The following BRSK1 variants were observed in gnomAD, a reference collection of about 807,000 sequenced individuals.
BRSK1 encodes BR serine/threonine kinase 1, also known as serine/threonine-protein kinase BRSK1.
Under a neutral mutation model 86.2 loss-of-function variants are expected in BRSK1, and 17 were observed. That is an observed-to-expected ratio of 0.20 (90% CI 0.14 to 0.30). The LOEUF (loss-of-function observed/expected upper bound fraction) is 0.30, where lower values mean the gene tolerates loss of function less well. Among genes scored for constraint, BRSK1 ranks in the 10% least tolerant of loss-of-function variants. The probability of loss-of-function intolerance (pLI) is 1.00; values close to 1 mark genes in which losing one functional copy is unlikely to be tolerated. For synonymous variants in BRSK1, 464 were observed against 440.1 expected (o/e 1.05, Z -0.68); for missense variants, 719 against 1,071.9 (o/e 0.67, Z 4.60).
At chr19:55,308,606 A>C (rs373108643) in intron 17 of BRSK1, 33 bp from the exon 18 acceptor site, 13 of 1,566,232 alleles carry the variant, frequency 8.3e-6, no homozygotes, top group Non-Finnish European at 1.1e-5. Flanking sequence ...CTGGACCCCC[A>C]GTCAGTGTTT....
chr19:55,292,474 G>A (rs965579534), intron 4 of BRSK1, among the ~76,000 whole-genome samples: 4 of 152,184 alleles, frequency 2.6e-5, no homozygotes, highest in Non-Finnish European at 5.9e-5. Context: ...GAAGCTGGGC[G>A]ATGGGTAAGT....
intron 7 of BRSK1, among the ~76,000 whole-genome samples, chr19:55,299,071 G>A (rs546373272): frequency 2.6e-4 from 40 of 152,210 alleles, no homozygotes; most frequent in Middle Eastern, 6.8e-3. Context: ...CAGGAGAATC[G>A]CTTGAACCCG....
At chr19:55,311,069 C>T (rs1213142152) in intron 18 of BRSK1, among the ~76,000 whole-genome samples, 1 of 152,138 alleles carries the variant, frequency 6.6e-6, no homozygotes, top group Non-Finnish European at 1.5e-5. Flanking sequence ...TCAAATGATT[C>T]TCCCGCCTCA....
chr19:55,285,459 G>A (rs1223416293), intron 1 of BRSK1, among the ~76,000 whole-genome samples: 3 of 152,096 alleles, frequency 2.0e-5, no homozygotes, highest in Admixed American at 6.5e-5. Context: ...GCTGCAGACC[G>A]GGGTGCAGTG....
chr19:55,292,055 C>T (rs1009825513), intron 4 of BRSK1, among the ~76,000 whole-genome samples: 1 of 152,172 alleles, frequency 6.6e-6, no homozygotes, highest in Non-Finnish European at 1.5e-5. Flanking sequence ...CCACCGCACC[C>T]GGCCCTGTTT....
intron 18 of BRSK1, among the ~76,000 whole-genome samples, chr19:55,309,374 C>T (rs1454106470): frequency 6.6e-6 from 1 of 152,212 alleles, no homozygotes; most frequent in African/African-American, 2.4e-5. Context: ...ATCAGGAGAG[C>T]AGAGGGTTTG....
chr19:55,293,057 C>T (rs1165893870), intron 4 of BRSK1, among the ~76,000 whole-genome samples: 1 of 151,568 alleles, frequency 6.6e-6, no homozygotes, highest in Non-Finnish European at 1.5e-5. Context: ...ATGCCCATCT[C>T]TAAAAATAAA....
In BRSK1 at chr19:55,288,938, T is replaced by C. The variant is rs191629252; in HGVS notation, c.318-542T>C. ...CTGATGGGAGTTGTCGTCTATTGCC[T>C]CACAGAAGCTGGCTTGGACTGGTGC... On this transcript the variant is annotated intron_variant, in intron 3 of 18. Coordinates refer to ENST00000309383, the MANE Select transcript of BRSK1 (RefSeq NM_032430.2). 3.9e-5 allele frequency among the ~76,000 whole-genome samples: 6 copies of C among 152,324 alleles called. No homozygotes were observed. In the East Asian group the frequency reaches 1.2e-3, roughly 29 times the overall value.
Position 55,287,441 on chromosome 19 carries a change from C to G in BRSK1, c.317+142C>G, listed in dbSNP as rs1242588768. ...GACCGCTGAAGGCCCAGTTCCTTGC[C>G]TGTTGCACAGGGAAGCCCCTGACAC... On this transcript the variant is annotated intron_variant, in intron 3 of 18. Transcript: ENST00000309383. This position sits in a 1 kb window ranked among gnomAD's most constrained non-coding sequence, Gnocchi z 5.3. 4 of 750,906 alleles carry G rather than the reference C, an allele frequency of 5.3e-6. No homozygotes were observed. The highest frequency in any genetic ancestry group is 6.7e-6 in the Non-Finnish European group (3 of 450,646). The allele number at this position is 750,906 out of a possible 1,614,324, so 46.5% of individuals were successfully genotyped here.
intron 3 of BRSK1, among the ~76,000 whole-genome samples, chr19:55,288,617 C>T (rs1456184918): frequency 6.6e-6 from 1 of 151,800 alleles, no homozygotes; most frequent in Non-Finnish European, 1.5e-5. Flanking sequence ...CAGAGTTTTG[C>T]TCTTGTTGCC....
At position 55,302,438 on chromosome 19, in the gene BRSK1, G is replaced by A; in HGVS notation, c.858-259G>A. The A allele has an allele frequency of 1.6e-6, 1 of 615,514 alleles. No homozygotes were observed. The highest frequency in any genetic ancestry group is 2.8e-6 in the Non-Finnish European group (1 of 352,232). 38.1% of individuals were successfully genotyped at this position (615,514 alleles called of 1,614,324 possible). On this transcript the variant is annotated intron_variant, in intron 9 of 18. Coordinates refer to ENST00000309383, the MANE Select transcript of BRSK1 (RefSeq NM_032430.2). The surrounding 1 kb of genome is among the most constrained non-coding windows in gnomAD (Gnocchi z 6.3). Reference sequence around the variant, plus strand: ...GACTCCTGGATCCGAGGGAGGAGGGGCTGGGGGCCTGGACTTCTGGGTCTG... The same window carrying A: ...GACTCCTGGATCCGAGGGAGGAGGGACTGGGGGCCTGGACTTCTGGGTCTG...
chr19:55,289,954 T>C (rs1411109325), intron 4 of BRSK1, among the ~76,000 whole-genome samples: 2 of 152,136 alleles, frequency 1.3e-5, no homozygotes, highest in African/African-American at 2.4e-5. Flanking sequence ...TTCTAGACGT[T>C]TTATATAAAT....
rs1378542077 is a variant in BRSK1 at position 55,304,628 on chromosome 19, G to C, written c.1425G>C (p.Thr475=). ...GCGGGGGCTCCCCGACTTCCAAAACGCAGACGCTGCCTTCTCGGGGCCCCA... is the reference window on the plus strand; with the variant it reads ...GCGGGGGCTCCCCGACTTCCAAAACCCAGACGCTGCCTTCTCGGGGCCCCA... The part of the protein sequence containing the change: ...ARGGGSPTSK[T]QTLPSRGPRG... Residue 475 remains threonine, a synonymous_variant, in exon 14 of 19, where the codon ACG becomes ACC. Transcript: ENST00000309383. This position sits in a 1 kb window ranked among gnomAD's most constrained non-coding sequence, Gnocchi z 5.2. The C allele has an allele frequency of 5.2e-6, 8 of 1,542,304 alleles. No individual in the cohort carries two copies. The Admixed American group carries it at 1.7e-4, about 32-fold the overall frequency.
chr19:55,299,740 C>T (rs573489262), intron 7 of BRSK1, among the ~76,000 whole-genome samples: 4 of 152,174 alleles, frequency 2.6e-5, no homozygotes, highest in South Asian at 2.1e-4. Flanking sequence ...TCATTATGTC[C>T]GTTTCACAGA....
chr19:55,302,575 G>C lies in BRSK1; in HGVS notation c.858-122G>C, dbSNP rs991086729. On this transcript the variant is annotated intron_variant, in intron 9 of 18. Transcript: ENST00000309383. This position sits in a 1 kb window ranked among gnomAD's most constrained non-coding sequence, Gnocchi z 6.3. ...AGGTCTGGGGCGTCTGGATTCCTGG[G>C]TATGAGAGAGAAGGGGCCGGGGCCT... 1.5e-6 allele frequency: 2 copies of C among 1,291,262 alleles called. No individual in the cohort carries two copies. The highest frequency in any genetic ancestry group is 3.0e-5 in the African/African-American group (2 of 67,332). The allele number at this position is 1,291,262 out of a possible 1,614,324, so 80.0% of individuals were successfully genotyped here.
At position 55,302,570 on chromosome 19, in the gene BRSK1, C is replaced by A; in HGVS notation, c.858-127C>A. On this transcript the variant is annotated intron_variant, in intron 9 of 18. Transcript: ENST00000309383. This position sits in a 1 kb window ranked among gnomAD's most constrained non-coding sequence, Gnocchi z 6.3. ...GGGCGAGGTCTGGGGCGTCTGGATTCCTGGGTATGAGAGAGAAGGGGCCGG... is the reference window on the plus strand; with the variant it reads ...GGGCGAGGTCTGGGGCGTCTGGATTACTGGGTATGAGAGAGAAGGGGCCGG... 1 of 1,257,212 alleles carries A rather than the reference C, an allele frequency of 8.0e-7. No homozygotes were observed. Among genetic ancestry groups the A allele is most frequent in the South Asian group, 1.5e-5 (1 of 68,520 alleles). The allele number at this position is 1,257,212 out of a possible 1,614,324, so 77.9% of individuals were successfully genotyped here.
intron 15 of BRSK1, 22 bp from the exon 16 acceptor site, chr19:55,305,441 C>G (rs545094297): frequency 4.3e-6 from 7 of 1,614,138 alleles, no homozygotes; most frequent in Non-Finnish European, 5.1e-6. Context: ...TAACCCTCCT[C>G]CAACCACCCC....
intron 1 of BRSK1, among the ~76,000 whole-genome samples, chr19:55,286,755 G>T (rs1221105985): frequency 6.6e-6 from 1 of 151,952 alleles, no homozygotes; most frequent in South Asian, 2.1e-4. Flanking sequence ...GGGCCAGGGG[G>T]TGGCTGGCAG....
intron 16 of BRSK1, 88 bp downstream of exon 16, chr19:55,305,674 T>C: frequency 6.4e-7 from 1 of 1,574,420 alleles, no homozygotes; most frequent in Non-Finnish European, 8.6e-7. Flanking sequence ...AGCATAGGCC[T>C]GGCTTCCTCC....
Sources: gnomAD v4.1 joint callset for allele counts (sites outside exome capture counted in the v4.1 genomes callset) on GRCh38, gnomAD v4.1.1 for gene constraint, Gnocchi (gnomAD v3.1) non-coding constraint, MANE v1.5 for transcripts, NCBI Gene and HGNC (gene_info 2026-07-23, HGNC 2026-07-21) for gene names.